UBE4B: variants seen among roughly 807,000 people sequenced by gnomAD.
UBE4B encodes ubiquitination factor E4B.
Under a neutral mutation model 148.1 loss-of-function variants are expected in UBE4B, and 27 were observed. That is an observed-to-expected ratio of 0.18 (90% confidence interval 0.13 to 0.25). The LOEUF is 0.25. Ranked by LOEUF, UBE4B falls within the 10% of genes least tolerant of loss-of-function variation. The pLI is 1.00. For synonymous variants in UBE4B, 596 were observed against 619.3 expected (o/e 0.96, Z 0.56); for missense variants, 1,170 against 1,662.4 (o/e 0.70, Z 5.15).
chr1:10,146,932 T>A (rs1468057501), intron 18 of UBE4B, 31 bp from the exon 19 acceptor site: 5 of 1,611,328 alleles, frequency 3.1e-6, no homozygotes, highest in Non-Finnish European at 4.2e-6. Flanking sequence ...TACTGACTGA[T>A]CTTTGGGTGG....
chr1:10,130,137 A>G (rs1645569145), intron 12 of UBE4B, among the ~76,000 whole-genome samples: 1 of 151,852 alleles, frequency 6.6e-6, no homozygotes, highest in African/African-American at 2.4e-5. Context: ...GCAGTGGCGC[A>G]ATCTCAGCTC....
At chr1:10,157,117 C>T (rs1646086206) in intron 21 of UBE4B, among the ~76,000 whole-genome samples, 1 of 152,134 alleles carries the variant, frequency 6.6e-6, no homozygotes, top group Non-Finnish European at 1.5e-5. Context: ...TGGATTCAAG[C>T]AATTCTCCTG....
intron 2 of UBE4B, among the ~76,000 whole-genome samples, chr1:10,090,995 A>C (rs1421659490): frequency 2.6e-5 from 4 of 152,198 alleles, no homozygotes; most frequent in Non-Finnish European, 5.9e-5. Context: ...CATAGAATGC[A>C]TAATTTCCTT....
Position 10,144,725 on chromosome 1 carries a change from C to G in UBE4B, c.2364-215C>G, listed in dbSNP as rs1439717327. On this transcript the variant is annotated intron_variant, in intron 17 of 27. Coordinates refer to ENST00000343090, the MANE Select transcript of UBE4B (RefSeq NM_001105562.3). ...ACTCCAGCCTGGTGACAGAGCGAGA[C>G]TCTGTCTTAAAAAAAAAAAAAAAAG... Among the ~76,000 whole-genome samples, 3 of 131,514 alleles carry G rather than the reference C, an allele frequency of 2.3e-5. No homozygotes were observed. The East Asian group carries it at 6.0e-4, about 26-fold the overall frequency. The allele number at this position is 131,514 out of a possible 152,430, so 86.3% of individuals were successfully genotyped here. A position where few individuals can be genotyped will look rare whatever the true frequency, so the allele number is the denominator to read the frequency against.
At chr1:10,076,586 A>G (rs1644587132) in intron 2 of UBE4B, among the ~76,000 whole-genome samples, 2 of 151,690 alleles carry the variant, frequency 1.3e-5, no homozygotes, top group East Asian at 1.9e-4. Flanking sequence ...GGTGCCACCC[A>G]TGGTAAAAAG....
chr1:10,058,022 G>C (rs1158693901), intron 1 of UBE4B, among the ~76,000 whole-genome samples: 2 of 152,122 alleles, frequency 1.3e-5, no homozygotes, highest in African/African-American at 2.4e-5. Context: ...AGAGTAAAAG[G>C]GTCTCTGTTA....
intron 21 of UBE4B, among the ~76,000 whole-genome samples, chr1:10,151,813 C>G (rs914503691): frequency 6.6e-6 from 1 of 151,996 alleles, no homozygotes; most frequent in Non-Finnish European, 1.5e-5. Flanking sequence ...TGATTGGCAC[C>G]GAGACCCAGG....
At chr1:10,147,229 G>A (rs573910619) in intron 19 of UBE4B, 139 bp downstream of exon 19, 244 of 1,363,774 alleles carry the variant, frequency 1.8e-4, no homozygotes, top group Middle Eastern at 1.4e-3. Flanking sequence ...AGTGGTTCAC[G>A]CCTGTAATCC....
chr1:10,089,946 C>T (rs1369331311), intron 2 of UBE4B, among the ~76,000 whole-genome samples: 2 of 151,932 alleles, frequency 1.3e-5, no homozygotes, highest in African/African-American at 4.8e-5. Flanking sequence ...CCGCCCACCT[C>T]GGCCTCCCAA....
chr1:10,044,045 CTT>C (rs570406572), intron 1 of UBE4B, among the ~76,000 whole-genome samples: 1 of 147,508 alleles, frequency 6.8e-6, no homozygotes. Flanking sequence ...CTTTTCTTTT[CTT>C]TTTTTTTTGG....
At chr1:10,099,856 A>C (rs1482123454) in intron 3 of UBE4B, among the ~76,000 whole-genome samples, 1 of 152,242 alleles carries the variant, frequency 6.6e-6, no homozygotes, top group East Asian at 1.9e-4. Flanking sequence ...TTTCATATTA[A>C]TGTAAAAAGG....
At chr1:10,104,011 C>T (rs868743318) in intron 5 of UBE4B, among the ~76,000 whole-genome samples, 5 of 150,048 alleles carry the variant, frequency 3.3e-5, no homozygotes, top group Middle Eastern at 3.4e-3. Flanking sequence ...CTGCCTGCCT[C>T]GGCCTCCCAA....
At position 10,161,039 on chromosome 1, in the gene UBE4B, G is replaced by A; in HGVS notation, c.3054-103G>A. The A allele has an allele frequency of 7.5e-7, 1 of 1,332,680 alleles. No individual in the cohort carries two copies. The highest frequency in any genetic ancestry group is 1.4e-5 in the South Asian group (1 of 73,906). 82.6% of individuals were successfully genotyped at this position (1,332,680 alleles called of 1,614,324 possible). A position where few individuals can be genotyped will look rare whatever the true frequency, so the allele number is the denominator to read the frequency against. On this transcript the variant is annotated intron_variant, in intron 22 of 27. Transcript: ENST00000343090. The surrounding 1 kb of genome is among the most constrained non-coding windows in gnomAD (Gnocchi z 4.1). The stretch of plus-strand genomic sequence containing the variant: ...GCCAGGGTAGCCAGGCTTTTAGGGT[G>A]AGATAGTTGCAGTCTGGGTGGAGGT...
chr1:10,105,333 A>G (rs1645088033), intron 5 of UBE4B, among the ~76,000 whole-genome samples, 183 bp from the exon 6 acceptor site: 1 of 152,216 alleles, frequency 6.6e-6, no homozygotes, highest in African/African-American at 2.4e-5. Context: ...TGTCAAAACT[A>G]AGAAATTACT....
At chr1:10,075,519 T>C (rs549735381) in intron 2 of UBE4B, among the ~76,000 whole-genome samples, 1 of 152,350 alleles carries the variant, frequency 6.6e-6, no homozygotes, top group African/African-American at 2.4e-5. Flanking sequence ...TAACAGCCCA[T>C]ATGCTGTTAT....
chr1:10,126,773 A>G (rs2101934129), intron 10 of UBE4B, 21 bp from the exon 11 acceptor site: 1 of 1,594,424 alleles, frequency 6.3e-7, no homozygotes, highest in Non-Finnish European at 8.6e-7. Flanking sequence ...TATATTTCTG[A>G]TTTTGTTTTT....
At chr1:10,035,392 T>G (rs928860481) in intron 1 of UBE4B, among the ~76,000 whole-genome samples, 20 of 119,864 alleles carry the variant, frequency 1.7e-4, no homozygotes, top group East Asian at 2.2e-4. Flanking sequence ...AGATACTGTT[T>G]TTTTTTTTTT....
chr1:10,128,566 G>C (rs1229330646), intron 11 of UBE4B: 1 of 152,194 alleles, frequency 6.6e-6, no homozygotes, highest in African/African-American at 2.4e-5. Context: ...GCATGGCATT[G>C]GGGTTTCCAA....
intron 1 of UBE4B, among the ~76,000 whole-genome samples, chr1:10,065,775 A>G (rs1368786464): frequency 6.6e-6 from 1 of 152,222 alleles, no homozygotes; most frequent in Non-Finnish European, 1.5e-5. Flanking sequence ...AAGAAGAAAG[A>G]TGAGGAAAAA....
Sources: gnomAD v4.1 joint callset for allele counts (sites outside exome capture counted in the v4.1 genomes callset) on GRCh38, gnomAD v4.1.1 for gene constraint, Gnocchi (gnomAD v3.1) non-coding constraint, MANE v1.5 for transcripts, NCBI Gene and HGNC (gene_info 2026-07-23, HGNC 2026-07-21) for gene names.